Variants in MINDY3 observed in about 807,000 individuals in gnomAD.
MINDY3 encodes ubiquitin carboxyl-terminal hydrolase MINDY-3.
In MINDY3, 38 loss-of-function variants were observed where a neutral mutation model predicts 69.2. That is an observed-to-expected ratio of 0.55 (90% CI 0.42 to 0.72). The LOEUF is 0.72. Among genes scored for constraint, MINDY3 ranks in the 30% least tolerant of loss-of-function variants. The pLI, the probability that MINDY3 is intolerant of heterozygous loss-of-function variation, is 0.00. For missense variants in MINDY3, 522 were observed against 519.0 expected (o/e 1.01, Z -0.06); for synonymous variants, 192 against 180.1 (o/e 1.07, Z -0.53).
In MINDY3 at chr10:15,816,192, C is replaced by T. The variant is rs984145519; in HGVS notation, c.882+643G>A. On this transcript the variant is annotated intron_variant, in intron 10 of 14. Coordinates refer to ENST00000277632, the MANE Select transcript of MINDY3 (RefSeq NM_024948.4). ...GGGAGAATCGCTTGAACCCAGGAGA[C>T]GTAGGTTGCAGTGAGGCGAGACTGT... is the stretch of plus-strand genomic sequence containing the variant. 8.7e-5 allele frequency among the ~76,000 whole-genome samples: 12 copies of T among 137,406 alleles called. No homozygotes were observed. The East Asian group carries it at 1.1e-3, about 12-fold the overall frequency. 90.1% of individuals were successfully genotyped at this position (137,406 alleles called of 152,430 possible). A position where few individuals can be genotyped will look rare whatever the true frequency, so the allele number is the denominator to read the frequency against.
chr10:15,831,427 C>T (rs1840448571), intron 8 of MINDY3, among the ~76,000 whole-genome samples: 1 of 152,094 alleles, frequency 6.6e-6, no homozygotes. Context: ...ACAAACATTC[C>T]AAAATGCAAG....
intron 14 of MINDY3, 63 bp from the exon 15 acceptor site, chr10:15,779,204 G>T: frequency 6.8e-7 from 1 of 1,474,512 alleles, no homozygotes; most frequent in Non-Finnish European, 9.2e-7. Flanking sequence ...TATGTGGAAT[G>T]AAAACAATTT....
intron 6 of MINDY3, among the ~76,000 whole-genome samples, chr10:15,836,909 G>GTTA (rs768465985): frequency 2.0e-5 from 3 of 151,768 alleles, no homozygotes; most frequent in Middle Eastern, 3.4e-3. Flanking sequence ...TTCCAGAAGG[G>GTTA]GTTAAGGGGT....
At chr10:15,847,801 A>C in intron 2 of MINDY3, 63 bp downstream of exon 2, 1 of 1,197,114 alleles carries the variant, frequency 8.4e-7, no homozygotes, top group Admixed American at 1.8e-5. Flanking sequence ...GACATTAGAA[A>C]ACGACAAGTA....
At chr10:15,838,919 A>G (rs1038172595) in intron 4 of MINDY3, among the ~76,000 whole-genome samples, 7 of 151,198 alleles carry the variant, frequency 4.6e-5, no homozygotes, top group African/African-American at 1.7e-4. Flanking sequence ...AATGCCCTAC[A>G]TGTCTTACCT....
chr10:15,855,403 T>C (rs906962685), intron 1 of MINDY3, among the ~76,000 whole-genome samples: 8 of 152,018 alleles, frequency 5.3e-5, no homozygotes, highest in African/African-American at 2.4e-5. Context: ...TTCTCAAGAG[T>C]TCTCATACTC....
At chr10:15,834,178 T>A (rs752773712) in intron 7 of MINDY3, among the ~76,000 whole-genome samples, 1 of 151,816 alleles carries the variant, frequency 6.6e-6, no homozygotes, top group African/African-American at 2.4e-5. Context: ...AGGAGGGTGG[T>A]CCGAGAGGAA....
intron 2 of MINDY3, among the ~76,000 whole-genome samples, chr10:15,845,951 T>C (rs986949386): frequency 4.0e-5 from 6 of 151,288 alleles, no homozygotes; most frequent in Non-Finnish European, 7.4e-5. Flanking sequence ...GTTTCCCGAG[T>C]AGCTGGGATT....
In MINDY3 at chr10:15,786,601, A is replaced by G. The variant is rs56392801; in HGVS notation, c.1076T>C (p.Ile359Thr). Reference protein sequence around the residue: ...NKLDPEGLGIILLGPFLQEFF... With the variant: ...NKLDPEGLGITLLGPFLQEFF... ...TTCTTGAAGAAATGGGCCCAATAAT[A>G]TGATTCCTAATCCTTCTGGATCTAA... The change falls in exon 13 of 15, where the codon ATA becomes ACA. Residue 359 changes from isoleucine to threonine, a missense_variant. Physicochemically the swap from Ile to Thr is moderately conservative, Grantham distance 89. Transcript: ENST00000277632. 1.9e-6 allele frequency: 3 copies of G among 1,594,254 alleles called. No individual in the cohort carries two copies. The highest frequency in any genetic ancestry group is 2.7e-5 in the African/African-American group (2 of 74,270).
intron 8 of MINDY3, among the ~76,000 whole-genome samples, chr10:15,822,687 A>G (rs1839850983): frequency 1.3e-5 from 2 of 152,136 alleles, no homozygotes; most frequent in Admixed American, 1.3e-4. Context: ...CTCTAGCTAG[A>G]GAGGGATAAA....
At position 15,778,984 on chromosome 10, in the gene MINDY3, T is replaced by TA. The variant is rs1383332344; in HGVS notation, c.*7dup. On this transcript the variant is annotated 3_prime_UTR_variant, in exon 15 of 15. Coordinates refer to ENST00000277632, the MANE Select transcript of MINDY3 (RefSeq NM_024948.4). ...TATTAAGATCTTCCTTATAAATACT[T>TA]AGACAAATTAATTTAGTGAAGGAGA... 1 of 1,611,136 alleles carries TA rather than the reference T, an allele frequency of 6.2e-7. No homozygotes were observed. Among genetic ancestry groups the TA allele is most frequent in the Non-Finnish European group, 8.5e-7 (1 of 1,178,270 alleles).
intron 8 of MINDY3, among the ~76,000 whole-genome samples, chr10:15,822,848 T>A (rs1432848996): frequency 2.0e-5 from 3 of 152,110 alleles, no homozygotes; most frequent in Admixed American, 6.6e-5. Flanking sequence ...GTGATAATAA[T>A]AAAGTCTTTT....
chr10:15,798,021 G>C (rs1837964289), intron 10 of MINDY3, among the ~76,000 whole-genome samples: 1 of 152,152 alleles, frequency 6.6e-6, no homozygotes, highest in East Asian at 1.9e-4. Context: ...ATTTTATGCA[G>C]AGGGGAACTT....
intron 10 of MINDY3, among the ~76,000 whole-genome samples, chr10:15,815,298 T>C (rs576470379): frequency 6.6e-6 from 1 of 152,232 alleles, no homozygotes; most frequent in Non-Finnish European, 1.5e-5. Flanking sequence ...CTCTGTACTT[T>C]TAGCATTTAA....
At chr10:15,841,903 T>C (rs548081462) in intron 3 of MINDY3, among the ~76,000 whole-genome samples, 1 of 151,718 alleles carries the variant, frequency 6.6e-6, no homozygotes, top group African/African-American at 2.4e-5. Context: ...CTTAAAACTT[T>C]AGCAACTGCA....
chr10:15,834,821 T>G (rs1303402911), intron 6 of MINDY3, among the ~76,000 whole-genome samples: 1 of 152,060 alleles, frequency 6.6e-6, no homozygotes, highest in African/African-American at 2.4e-5. Flanking sequence ...TTTCATGGGC[T>G]CTATATAAAC....
At chr10:15,784,609 C>T (rs1836810000) in intron 13 of MINDY3, among the ~76,000 whole-genome samples, 1 of 152,038 alleles carries the variant, frequency 6.6e-6, no homozygotes, top group African/African-American at 2.4e-5. Context: ...GCCAGGCCAC[C>T]ATATGTAGTC....
intron 6 of MINDY3, among the ~76,000 whole-genome samples, chr10:15,835,768 G>A (rs2132065102): frequency 6.6e-6 from 1 of 152,128 alleles, no homozygotes; most frequent in Non-Finnish European, 1.5e-5. Context: ...AGCACTTTGG[G>A]TTCTCTTATT....
At chr10:15,840,711 TGAAAAGCAAATCA>T (rs1833410459) in intron 4 of MINDY3, among the ~76,000 whole-genome samples, 1 of 151,614 alleles carries the variant, frequency 6.6e-6, no homozygotes, top group East Asian at 1.9e-4. Flanking sequence ...AGATTATTCC[TGAAAAGCAAATCA>T]GAAAAGCAAC....
Sources: gnomAD v4.1 joint callset for allele counts (sites outside exome capture counted in the v4.1 genomes callset) on GRCh38, gnomAD v4.1.1 for gene constraint, MANE v1.5 for transcripts, NCBI Gene and HGNC (gene_info 2026-07-23, HGNC 2026-07-21) for gene names.